PTPRG: variants seen among roughly 807,000 people sequenced by gnomAD.
PTPRG encodes the protein protein tyrosine phosphatase receptor type G.
PTPRG carries 102 observed loss-of-function variants against 165.3 expected under a neutral mutation model. The ratio of observed to expected loss-of-function variants is 0.62; its 90% confidence interval spans 0.53 to 0.73. The LOEUF is 0.73. PTPRG is among the 30% of genes least tolerant of loss of function. The pLI, the probability that PTPRG is intolerant of heterozygous loss-of-function variation, is 0.00. For synonymous variants in PTPRG, 675 were observed against 669.5 expected, an observed-to-expected ratio of 1.01 and a Z score of -0.13; for missense variants, 1,866 against 1,861.4, an observed-to-expected ratio of 1.00 and a Z score of -0.05.
chr3:61,815,333 C>T (rs965750967), intron 2 of PTPRG, among the ~76,000 whole-genome samples: 5 of 151,928 alleles, frequency 3.3e-5, no homozygotes, highest in African/African-American at 1.2e-4. Flanking sequence ...CCACTTCAGC[C>T]TGGGAGGTGG....
intron 26 of PTPRG, 78 bp downstream of exon 26, chr3:62,277,757 G>A (rs1702279673): frequency 3.2e-6 from 5 of 1,551,158 alleles, no homozygotes; most frequent in Non-Finnish European, 3.5e-6. Context: ...TTTGCCATAG[G>A]GCTATAGTAT....
chr3:62,191,567 A>G lies in PTPRG; in HGVS notation c.1132A>G (p.Ile378Val), dbSNP rs772164088. 1.9e-6 allele frequency: 3 copies of G among 1,614,156 alleles called. No individual in the cohort carries two copies. The highest frequency in any genetic ancestry group is 2.5e-6 in the Non-Finnish European group (3 of 1,180,014). ...SQPETIYHPP[I>V]MNYMISYSWT... ...GCCGGAGACTATCTACCACCCACCC[A>G]TCATGAACTACATGATCTCCTACAG... Residue 378 changes from isoleucine (I) to valine (V), a missense_variant, in exon 9 of 30, where the codon ATC (isoleucine) becomes GTC (valine). Physicochemically the swap from Ile to Val is conservative, Grantham distance 29. This residue lies in a region of PTPRG where 1,452 missense variants were observed against 1,463.0 expected (regional missense o/e 0.99). Transcript: ENST00000474889.
intron 2 of PTPRG, among the ~76,000 whole-genome samples, chr3:61,817,257 C>G (rs1164040427): frequency 7.2e-6 from 1 of 138,340 alleles, no homozygotes; most frequent in Admixed American, 7.8e-5. Context: ...GAATCTCCAT[C>G]AAAAGTAAGT....
intron 1 of PTPRG, among the ~76,000 whole-genome samples, chr3:61,676,149 T>A (rs1575582575): frequency 1.3e-5 from 2 of 152,130 alleles, no homozygotes; most frequent in East Asian, 1.9e-4. Flanking sequence ...TCATGAAAAA[T>A]CTTTGTTTAG....
At chr3:62,163,980 T>A (rs1203777194) in intron 7 of PTPRG, among the ~76,000 whole-genome samples, 3 of 152,196 alleles carry the variant, frequency 2.0e-5, no homozygotes, top group Non-Finnish European at 4.4e-5. Context: ...CCATTAAGGA[T>A]GGGAGGCTGT....
chr3:62,263,067 C>G, intron 17 of PTPRG, 173 bp downstream of exon 17: 2 of 548,676 alleles, frequency 3.6e-6, no homozygotes, highest in Non-Finnish European at 6.4e-6. Flanking sequence ...TTTTCTTCCC[C>G]CTTAGCCTTT....
At chr3:61,736,222 T>C (rs570948068) in intron 1 of PTPRG, among the ~76,000 whole-genome samples, 1 of 151,410 alleles carries the variant, frequency 6.6e-6, no homozygotes, top group Non-Finnish European at 1.5e-5. Flanking sequence ...TTTTTTTTTT[T>C]AATTTTTTAA....
At chr3:62,117,462 G>A (rs1470634831) in intron 5 of PTPRG, among the ~76,000 whole-genome samples, 2 of 152,130 alleles carry the variant, frequency 1.3e-5, no homozygotes, top group African/African-American at 2.4e-5. Flanking sequence ...CACAACACTT[G>A]TAAAAAGCTG....
intron 2 of PTPRG, among the ~76,000 whole-genome samples, chr3:61,938,292 T>TA (rs2039529005): frequency 6.6e-6 from 1 of 151,558 alleles, no homozygotes; most frequent in Admixed American, 6.6e-5. Flanking sequence ...AACCACATGA[T>TA]ACGGGTGTAT....
At chr3:62,065,934 G>A (rs1345645879) in intron 4 of PTPRG, among the ~76,000 whole-genome samples, 2 of 152,198 alleles carry the variant, frequency 1.3e-5, no homozygotes. Context: ...GCGTTTGGAA[G>A]CCTTTAGTTG....
intron 1 of PTPRG, among the ~76,000 whole-genome samples, chr3:61,708,633 T>C (rs546037258): frequency 6.6e-6 from 1 of 151,584 alleles, no homozygotes; most frequent in Admixed American, 6.6e-5. Context: ...TTTTTTGTAA[T>C]TTTTTAGTAG....
At chr3:62,275,200 T>A (rs978799001) in intron 23 of PTPRG, among the ~76,000 whole-genome samples, 1 of 152,182 alleles carries the variant, frequency 6.6e-6, no homozygotes, top group African/African-American at 2.4e-5. Flanking sequence ...TGGTTACTTA[T>A]AAAAGCCTTA....
intron 2 of PTPRG, among the ~76,000 whole-genome samples, chr3:61,759,481 C>T (rs2033757506): frequency 6.6e-6 from 1 of 151,694 alleles, no homozygotes; most frequent in African/African-American, 2.4e-5. Flanking sequence ...AAAGTGAGGA[C>T]CTGTCTCTAC....
At chr3:61,921,128 C>CA (rs534005585) in intron 2 of PTPRG, among the ~76,000 whole-genome samples, 1 of 144,002 alleles carries the variant, frequency 6.9e-6, no homozygotes, top group East Asian at 2.0e-4. Flanking sequence ...TCCTTCCTTC[C>CA]TTCCTTCCTT....
At chr3:62,128,525 G>A (rs1332171092) in intron 5 of PTPRG, among the ~76,000 whole-genome samples, 6 of 151,826 alleles carry the variant, frequency 4.0e-5, no homozygotes, top group Admixed American at 3.3e-4. Context: ...AAATTCAAGT[G>A]TTAGGTCAAC....
At chr3:61,872,488 A>T (rs1045073963) in intron 2 of PTPRG, among the ~76,000 whole-genome samples, 1 of 152,184 alleles carries the variant, frequency 6.6e-6, no homozygotes, top group African/African-American at 2.4e-5. Context: ...CCGAACTCCA[A>T]ATTCCCCATC....
intron 1 of PTPRG, among the ~76,000 whole-genome samples, chr3:61,716,871 C>T (rs1212511800): frequency 6.6e-6 from 1 of 152,166 alleles, no homozygotes; most frequent in Non-Finnish European, 1.5e-5. Flanking sequence ...ACTCAGGAGG[C>T]TGAGGCAGGA....
At chr3:62,104,087 CT>C (rs1316895511) in intron 5 of PTPRG, among the ~76,000 whole-genome samples, 1 of 152,200 alleles carries the variant, frequency 6.6e-6, no homozygotes, top group Non-Finnish European at 1.5e-5. Flanking sequence ...AAGCTTGCTG[CT>C]ACATGGGAGG....
chr3:62,236,895 C>T (rs569466351), intron 14 of PTPRG, among the ~76,000 whole-genome samples: 30 of 152,250 alleles, frequency 2.0e-4, no homozygotes, highest in African/African-American at 6.3e-4. Flanking sequence ...AGTGGGTGTA[C>T]GTGTTGACCC....
Sources: gnomAD v4.1 joint callset for allele counts (sites outside exome capture counted in the v4.1 genomes callset) on GRCh38, gnomAD v4.1.1 for gene constraint, gnomAD v4.1.1 regional missense constraint, MANE v1.5 for transcripts, NCBI Gene and HGNC (gene_info 2026-07-23, HGNC 2026-07-21) for gene names.